NBEAL2: variants seen among roughly 807,000 people sequenced by gnomAD.
NBEAL2 encodes the protein neurobeachin-like protein 2.
Under a neutral mutation model 299.8 loss-of-function variants are expected in NBEAL2, and 160 were observed. The ratio of observed to expected loss-of-function variants is 0.53; its 90% CI spans 0.47 to 0.61. The LOEUF (loss-of-function observed/expected upper bound fraction) is 0.61, where lower values mean the gene tolerates loss of function less well. Among genes scored for constraint, NBEAL2 ranks in the 20% least tolerant of loss-of-function variants. The pLI is 0.00. For synonymous variants in NBEAL2, 1,493 were observed against 1,542.3 expected, an observed-to-expected ratio of 0.97 and a Z score of 0.75; for missense variants, 3,112 against 3,649.0, an observed-to-expected ratio of 0.85 and a Z score of 3.79.
chr3:46,994,313 C>T (rs1321876030), intron 11 of NBEAL2, 142 bp from the exon 12 acceptor site: 5 of 779,794 alleles, frequency 6.4e-6, no homozygotes, highest in Non-Finnish European at 8.7e-6. Context: ...CTGCAGCCCA[C>T]TGCCCACCAG....
In NBEAL2 at chr3:47,001,483, C is replaced by A. The variant is rs776898703; in HGVS notation, c.4644+45C>A. 3 of 1,592,736 alleles carry A rather than the reference C, an allele frequency of 1.9e-6. No individual in the cohort carries two copies. Among genetic ancestry groups the A allele is most frequent in the African/African-American group, 2.7e-5 (2 of 74,444 alleles). ...CGTGAGCCACATGAACACTCATGTT[C>A]ATGCAAGCCTGCAGGGATCTGGTCT... is the stretch of plus-strand genomic sequence containing the variant. On this transcript the variant is annotated intron_variant, in intron 29 of 53. Coordinates refer to ENST00000450053, the MANE Select transcript of NBEAL2 (RefSeq NM_015175.3). This position sits in a 1 kb window ranked among gnomAD's most constrained non-coding sequence, Gnocchi z 6.1.
At position 47,008,636 on chromosome 3, in the gene NBEAL2, C is replaced by T. The variant is rs2037646041; in HGVS notation, c.7995C>T (p.Ala2665=). 6.2e-7 allele frequency: 1 copy of T among 1,613,436 alleles called. No individual in the cohort carries two copies. The highest frequency in any genetic ancestry group is 8.5e-7 in the Non-Finnish European group (1 of 1,179,874). The change falls in exon 52 of 54, where the codon GCC becomes GCT. Residue 2665 remains alanine, a synonymous_variant. Transcript: ENST00000450053. ...VTEDFVLLGT[A]QCALHILQLN... is the part of the protein sequence containing the mutation. ...AGGACTTTGTGTTGCTGGGCACCGC[C>T]CAGTGCGCCCTGCACATCCTCCAAC...
intron 6 of NBEAL2, among the ~76,000 whole-genome samples, chr3:46,990,417 A>C (rs554172051): frequency 1.3e-5 from 2 of 152,080 alleles, no homozygotes; most frequent in South Asian, 4.1e-4. Flanking sequence ...CTTTCTCTCC[A>C]CTTGCCCTGC....
chr3:46,993,311 C>T (rs903041957), intron 10 of NBEAL2, among the ~76,000 whole-genome samples: 2 of 152,250 alleles, frequency 1.3e-5, no homozygotes, highest in Middle Eastern at 3.4e-3. Context: ...CCCATGGAGC[C>T]GAATATGACC....
rs1052452358 is a variant in NBEAL2, at chr3:47,000,894, G to A, written c.4306-107G>A. 27 of 1,486,516 alleles carry A rather than the reference G, an allele frequency of 1.8e-5. No individual in the cohort carries two copies. The highest frequency in any genetic ancestry group is 2.5e-5 in the Non-Finnish European group (27 of 1,098,884). 92.1% of individuals were successfully genotyped at this position (1,486,516 alleles called of 1,614,324 possible). ...TGTTAGCCAAATGCTCTGACTCCTG[G>A]GTGGCTACCCCAGGAGGGGTGCTGA... On this transcript the variant is annotated intron_variant, in intron 27 of 53. Transcript: ENST00000450053. This position sits in a 1 kb window ranked among gnomAD's most constrained non-coding sequence, Gnocchi z 4.5.
chr3:47,002,514 C>A lies in NBEAL2; in HGVS notation c.5295C>A (p.Ala1765=). ...RQWERAQSRR[A]FQELVLEPAQ... is the part of the protein sequence containing the mutation. Reference sequence around the variant, plus strand: ...GGGAGCGCGCCCAGAGTCGTCGGGCCTTCCAGGTGTGCCACCCGGGGTAAG... The same window carrying A: ...GGGAGCGCGCCCAGAGTCGTCGGGCATTCCAGGTGTGCCACCCGGGGTAAG... The change falls in exon 32 of 54, where the codon GCC becomes GCA. Residue 1765 remains alanine, a synonymous_variant. Coordinates refer to ENST00000450053, the MANE Select transcript of NBEAL2 (RefSeq NM_015175.3). 6.2e-7 allele frequency: 1 copy of A among 1,612,496 alleles called. No individual in the cohort carries two copies. The highest frequency in any genetic ancestry group is 1.6e-4 in the Middle Eastern group (1 of 6,062).
chr3:46,982,791 G>A lies in NBEAL2; in HGVS notation c.51+2879G>A, dbSNP rs2035433721. ...AAGCAAATTGTCAGGAGTTGGGGCA[G>A]GGCAGAGCTAGTCAAGCAGGCCTGG... On this transcript the variant is annotated intron_variant, in intron 1 of 53. Coordinates refer to ENST00000450053, the MANE Select transcript of NBEAL2 (RefSeq NM_015175.3). The surrounding 1 kb of genome is among the most constrained non-coding windows in gnomAD (Gnocchi z 4.2). Among the ~76,000 whole-genome samples the A allele has an allele frequency of 6.6e-6, 1 of 152,106 alleles. No homozygotes were observed. Among genetic ancestry groups the A allele is most frequent in the Non-Finnish European group, 1.5e-5 (1 of 68,026 alleles).
chr3:46,999,875 G>T lies in NBEAL2; in HGVS notation c.3790-14G>T. The T allele has an allele frequency of 6.2e-7, 1 of 1,601,580 alleles. No individual in the cohort carries two copies. The highest frequency in any genetic ancestry group is 8.5e-7 in the Non-Finnish European group (1 of 1,171,278). On this transcript the variant is annotated splice_polypyrimidine_tract_variant and intron_variant, in intron 26 of 53. Transcript: ENST00000450053. ...AGTTGGATGCGTCCTCACTTGCTGT[G>T]CTCTCGCCTGCAGCTTTTCCACCTC...
chr3:46,993,944 A>C lies in NBEAL2; in HGVS notation c.1121A>C (p.Asp374Ala). The C allele has an allele frequency of 6.2e-7, 1 of 1,610,506 alleles. No homozygotes were observed. The highest frequency in any genetic ancestry group is 8.5e-7 in the Non-Finnish European group (1 of 1,178,712). The change falls in exon 11 of 54, where the codon GAC becomes GCC. Residue 374 changes from aspartate to alanine, a missense_variant. Physicochemically the swap from Asp to Ala is moderately radical, Grantham distance 126. This residue lies in a region of NBEAL2 where 2,243 missense variants were observed against 2,538.1 expected (regional missense o/e 0.88). Transcript: ENST00000450053. Reference protein sequence around the residue: ...LTEPDVQKVLDQDTDAIAVHV... With the variant: ...LTEPDVQKVLAQDTDAIAVHV... Reference sequence around the variant, plus strand: ...GCCCCTCCCCACCCCAAGGTCCTGGACCAAGACACAGACGCCATTGCAGTC... The same window carrying C: ...GCCCCTCCCCACCCCAAGGTCCTGGCCCAAGACACAGACGCCATTGCAGTC...
Position 46,988,330 on chromosome 3 carries a change from C to A in NBEAL2, c.52-339C>A, listed in dbSNP as rs1171579992. On this transcript the variant is annotated intron_variant, in intron 1 of 53. Transcript: ENST00000450053. The surrounding 1 kb of genome is among the most constrained non-coding windows in gnomAD (Gnocchi z 4.4). ...CTAGCACCAGTGTGGGCCACAGCCA[C>A]ACCCCACTTACGCCCCTCCCCTGGC... 6.6e-6 allele frequency among the ~76,000 whole-genome samples: 1 copy of A among 152,146 alleles called. No homozygotes were observed. Among genetic ancestry groups the A allele is most frequent in the Non-Finnish European group, 1.5e-5 (1 of 68,024 alleles).
In NBEAL2 at chr3:46,995,530, C is replaced by T; in HGVS notation, c.1795C>T (p.Pro599Ser). The part of the protein sequence containing the change: ...GIMVPPVQRW[P>S]GPGFTFHAWL... The stretch of plus-strand genomic sequence containing the variant: ...CATGGTACCCCCTGTACAGCGATGG[C>T]CAGGGCCTGGCTTCACCTTTCATGC... The change falls in exon 13 of 54, where the codon CCA becomes TCA. Residue 599 changes from proline to serine, a missense_variant. By Grantham distance (74) the Pro-to-Ser change is moderately conservative (BLOSUM62 -1). Coordinates refer to ENST00000450053, the MANE Select transcript of NBEAL2 (RefSeq NM_015175.3). 6.2e-7 allele frequency: 1 copy of T among 1,612,850 alleles called. No individual in the cohort carries two copies. Among genetic ancestry groups the T allele is most frequent in the Non-Finnish European group, 8.5e-7 (1 of 1,179,880 alleles).
intron 1 of NBEAL2, among the ~76,000 whole-genome samples, chr3:46,985,947 C>T (rs1166539507): frequency 1.3e-5 from 2 of 152,224 alleles, no homozygotes; most frequent in Non-Finnish European, 2.9e-5. Flanking sequence ...GCTCTCGTCC[C>T]CTGCCATTCT....
At chr3:46,994,428 A>G in intron 11 of NBEAL2, 27 bp from the exon 12 acceptor site, 1 of 1,556,418 alleles carries the variant, frequency 6.4e-7, no homozygotes, top group Non-Finnish European at 8.7e-7. Context: ...GTATGTGTTC[A>G]CTTCTTCCCC....
In NBEAL2 at chr3:47,002,758, G is replaced by T; in HGVS notation, c.5415G>T (p.Ala1805=). The change falls in exon 33 of 54, where the codon GCG becomes GCT. Residue 1805 remains alanine, a synonymous_variant. Transcript: ENST00000450053. ...QHSMALLHWG[A]LWRQLASPCG... ...CCATGGCCCTGCTGCACTGGGGGGC[G>T]CTGTGGCGCCAGCTCGCCAGCCCAT... 1 of 1,573,692 alleles carries T rather than the reference G, an allele frequency of 6.4e-7. No individual in the cohort carries two copies. Among genetic ancestry groups the T allele is most frequent in the South Asian group, 1.1e-5 (1 of 87,574 alleles).
chr3:47,001,803 T>C lies in NBEAL2; in HGVS notation c.4759T>C (p.Tyr1587His). Reference sequence around the variant, plus strand: ...GATTGGCCTACGGCTTGTACTTGGCTACATCCTGCTGGAAGACCCACAGGT... The same window carrying C: ...GATTGGCCTACGGCTTGTACTTGGCCACATCCTGCTGGAAGACCCACAGGT... ...AQIGLRLVLGYILLEDPQLHA... is the reference protein window; with the variant it reads ...AQIGLRLVLGHILLEDPQLHA... The change falls in exon 30 of 54, where the codon TAC becomes CAC. Residue 1587 changes from tyrosine to histidine, a missense_variant. By Grantham distance (83) the Tyr-to-His change is moderately conservative. Coordinates refer to ENST00000450053, the MANE Select transcript of NBEAL2 (RefSeq NM_015175.3). The surrounding 1 kb of genome is among the most constrained non-coding windows in gnomAD (Gnocchi z 6.1). 2 of 1,613,810 alleles carry C rather than the reference T, an allele frequency of 1.2e-6. No homozygotes were observed. Among genetic ancestry groups the C allele is most frequent in the Non-Finnish European group, 8.5e-7 (1 of 1,179,888 alleles).
At position 46,991,518 on chromosome 3, in the gene NBEAL2, A is replaced by C; in HGVS notation, c.755A>C (p.Glu252Ala). The change falls in exon 8 of 54, where the codon GAG becomes GCG. Residue 252 changes from glutamate to alanine, a missense_variant. Transcript: ENST00000450053. This position sits in a 1 kb window ranked among gnomAD's most constrained non-coding sequence, Gnocchi z 6.2. Reference sequence around the variant, plus strand: ...CCGTGCCTAGTGCCACTGGCTCTAGAGGCACTGGTAGGTGCAGTCCATGTC... The same window carrying C: ...CCGTGCCTAGTGCCACTGGCTCTAGCGGCACTGGTAGGTGCAGTCCATGTC... ...PDPCLVPLAL[E>A]ALVGAVHVLH... is the part of the protein sequence containing the mutation. The C allele has an allele frequency of 6.2e-7, 1 of 1,610,610 alleles. No individual in the cohort carries two copies. Among genetic ancestry groups the C allele is most frequent in the Non-Finnish European group, 8.5e-7 (1 of 1,179,858 alleles).
Position 47,002,523 on chromosome 3 carries a change from G to A in NBEAL2, c.5301+3G>A. The A allele has an allele frequency of 2.5e-6, 4 of 1,612,254 alleles. No individual in the cohort carries two copies. In the African/African-American group the frequency reaches 4.0e-5, roughly 16 times the overall value. Reference sequence around the variant, plus strand: ...CCCAGAGTCGTCGGGCCTTCCAGGTGTGCCACCCGGGGTAAGGGATGGGAA... The same window carrying A: ...CCCAGAGTCGTCGGGCCTTCCAGGTATGCCACCCGGGGTAAGGGATGGGAA... On this transcript the variant is annotated splice_donor_region_variant and intron_variant, in intron 32 of 53. Transcript: ENST00000450053.
chr3:47,001,311 C>T lies in NBEAL2; in HGVS notation c.4517C>T (p.Thr1506Ile). ...GAGATGATGCTGGAGTCAGCCCTGACCGACATCAAAGAGGCCCCCGTGGGG... is the reference window on the plus strand; with the variant it reads ...GAGATGATGCTGGAGTCAGCCCTGATCGACATCAAAGAGGCCCCCGTGGGG... ...LLEMMLESAL[T>I]DIKEAPVGVL... Residue 1506 changes from threonine (T) to isoleucine (I), a missense_variant, in exon 29 of 54, where the codon ACC (threonine) becomes ATC (isoleucine). Thr to Ile is a moderately conservative substitution (Grantham distance 89). Coordinates refer to ENST00000450053, the MANE Select transcript of NBEAL2 (RefSeq NM_015175.3). The surrounding 1 kb of genome is among the most constrained non-coding windows in gnomAD (Gnocchi z 6.1). 1 of 1,612,718 alleles carries T rather than the reference C, an allele frequency of 6.2e-7. No individual in the cohort carries two copies. Among genetic ancestry groups the T allele is most frequent in the South Asian group, 1.1e-5 (1 of 91,068 alleles).
In NBEAL2 at chr3:47,000,550, T is replaced by A; in HGVS notation, c.4305+146T>A. 1 of 1,067,736 alleles carries A rather than the reference T, an allele frequency of 9.4e-7. No individual in the cohort carries two copies. Among genetic ancestry groups the A allele is most frequent in the South Asian group, 1.7e-5 (1 of 58,620 alleles). 66.1% of individuals were successfully genotyped at this position (1,067,736 alleles called of 1,614,324 possible). On this transcript the variant is annotated intron_variant, in intron 27 of 53. Transcript: ENST00000450053. This position sits in a 1 kb window ranked among gnomAD's most constrained non-coding sequence, Gnocchi z 4.5. ...GGTCAGGCCTATTGCTGTCCCCTCATAGCTCTCATCTGCAGTTGTGTTCCC... is the reference window on the plus strand; with the variant it reads ...GGTCAGGCCTATTGCTGTCCCCTCAAAGCTCTCATCTGCAGTTGTGTTCCC...
Sources: gnomAD v4.1 joint callset for allele counts (sites outside exome capture counted in the v4.1 genomes callset) on GRCh38, gnomAD v4.1.1 for gene constraint, gnomAD v4.1.1 regional missense constraint, Gnocchi (gnomAD v3.1) non-coding constraint, MANE v1.5 for transcripts, NCBI Gene and HGNC (gene_info 2026-07-23, HGNC 2026-07-21) for gene names.